Variants in KLHL29 observed in about 807,000 individuals in gnomAD.
The protein encoded by KLHL29 is kelch like family member 29.
A neutral mutation model predicts 80.4 loss-of-function variants in KLHL29; 21 were observed. The ratio of observed to expected loss-of-function variants is 0.26; its 90% CI spans 0.19 to 0.38. The LOEUF (loss-of-function observed/expected upper bound fraction) is 0.38, where lower values mean the gene tolerates loss of function less well. Ranked by LOEUF, KLHL29 falls within the 10% of genes least tolerant of loss-of-function variation. The probability of loss-of-function intolerance (pLI) is 1.00; values close to 1 mark genes in which losing one functional copy is unlikely to be tolerated. For synonymous variants in KLHL29, 511 were observed against 526.8 expected (o/e 0.97, Z 0.41); for missense variants, 867 against 1,223.9 (o/e 0.71, Z 4.35).
chr2:23,523,738 A>G (rs1558372082), intron 2 of KLHL29, among the ~76,000 whole-genome samples: 2 of 152,216 alleles, frequency 1.3e-5, no homozygotes, highest in Non-Finnish European at 2.9e-5. Context: ...TGTCAGAGTC[A>G]GCTGAGTTCA....
intron 7 of KLHL29, among the ~76,000 whole-genome samples, chr2:23,692,779 A>C (rs1296657992): frequency 6.6e-6 from 1 of 152,146 alleles, no homozygotes; most frequent in Admixed American, 6.5e-5. Context: ...GATGGACCCC[A>C]GAGCCTAGCG....
intron 2 of KLHL29, among the ~76,000 whole-genome samples, chr2:23,541,843 T>C (rs1008296890): frequency 6.6e-6 from 1 of 151,204 alleles, no homozygotes; most frequent in Non-Finnish European, 1.5e-5. Context: ...TTGTGTGAGA[T>C]GATTTGTGGA....
At chr2:23,683,894 G>A (rs1475832603) in intron 5 of KLHL29, among the ~76,000 whole-genome samples, 1 of 152,194 alleles carries the variant, frequency 6.6e-6, no homozygotes, top group African/African-American at 2.4e-5. Context: ...ATGGCTGTGA[G>A]TGTCTAACAT....
intron 3 of KLHL29, among the ~76,000 whole-genome samples, chr2:23,579,160 TG>T (rs1667919245): frequency 6.6e-6 from 1 of 152,262 alleles, no homozygotes; most frequent in South Asian, 2.1e-4. Context: ...TTCCATGTTT[TG>T]TCTCCATTCT....
intron 5 of KLHL29, among the ~76,000 whole-genome samples, chr2:23,679,623 T>G (rs1421512353): frequency 1.4e-5 from 2 of 142,668 alleles, no homozygotes; most frequent in African/African-American, 2.5e-5. Context: ...TATATATATA[T>G]GTATGCCAGG....
In KLHL29 at chr2:23,445,710, T is replaced by A. The variant is rs1207434186; in HGVS notation, c.-153-29850T>A. On this transcript the variant is annotated intron_variant, in intron 1 of 13. Transcript: ENST00000486442. ...TCTCTGGGGGCTGTACCATTTTGCA[T>A]TCCCTCAGCAATGTGTGAGAACACG... 5.9e-5 allele frequency among the ~76,000 whole-genome samples: 9 copies of A among 152,346 alleles called. No individual in the cohort carries two copies. In the Middle Eastern group the frequency reaches 0.01, roughly 173 times the overall value.
intron 1 of KLHL29, among the ~76,000 whole-genome samples, chr2:23,428,120 G>A (rs1440467134): frequency 6.6e-6 from 1 of 152,212 alleles, no homozygotes; most frequent in South Asian, 2.1e-4. Context: ...TAATGACAGA[G>A]CACCTGCCGC....
chr2:23,626,762 G>A (rs552649198), intron 3 of KLHL29, among the ~76,000 whole-genome samples: 4 of 152,336 alleles, frequency 2.6e-5, no homozygotes, highest in African/African-American at 7.2e-5. Flanking sequence ...GGGCCCCAGC[G>A]CTGAGGGAGT....
At chr2:23,667,197 C>T (rs1004436846) in intron 5 of KLHL29, 8 of 152,226 alleles carry the variant, frequency 5.3e-5, no homozygotes, top group Admixed American at 4.6e-4. Context: ...AGAATATTTG[C>T]ATAAACATAT....
At chr2:23,495,516 C>T (rs1181762264) in intron 2 of KLHL29, among the ~76,000 whole-genome samples, 2 of 152,264 alleles carry the variant, frequency 1.3e-5, no homozygotes, top group African/African-American at 2.4e-5. Context: ...TATCTTCTGC[C>T]CTGGGTGGCA....
intron 3 of KLHL29, among the ~76,000 whole-genome samples, chr2:23,635,651 C>G (rs1271626265): frequency 6.6e-6 from 1 of 152,196 alleles, no homozygotes; most frequent in Non-Finnish European, 1.5e-5. Flanking sequence ...ATGATGCATC[C>G]CATTAGCATC....
At chr2:23,549,776 A>G (rs4665222) in intron 2 of KLHL29, among the ~76,000 whole-genome samples, 62,601 of 152,108 alleles carry the variant, frequency 0.41, 13,540 homozygotes, top group African/African-American at 0.53. Flanking sequence ...GGCCCCGGAG[A>G]TCCCCTCTGT....
chr2:23,419,689 G>A (rs763676442), intron 1 of KLHL29, among the ~76,000 whole-genome samples: 15 of 152,304 alleles, frequency 9.8e-5, no homozygotes, highest in East Asian at 7.7e-4. Flanking sequence ...CCTTAACCAG[G>A]AGTCTGGCAT....
intron 2 of KLHL29, among the ~76,000 whole-genome samples, chr2:23,513,107 A>G (rs534365546): frequency 2.0e-5 from 3 of 152,332 alleles, no homozygotes; most frequent in East Asian, 3.9e-4. Context: ...AAAGGGTCTC[A>G]CTGTAGTTAC....
chr2:23,518,491 TGAGCCCCA>T (rs1666005692), intron 2 of KLHL29, among the ~76,000 whole-genome samples: 1 of 152,206 alleles, frequency 6.6e-6, no homozygotes, highest in Non-Finnish European at 1.5e-5. Flanking sequence ...CTCTGTCTGC[TGAGCCCCA>T]TTTGGGCCTC....
chr2:23,479,643 G>A (rs1320778533), intron 2 of KLHL29, among the ~76,000 whole-genome samples: 1 of 152,214 alleles, frequency 6.6e-6, no homozygotes, highest in East Asian at 1.9e-4. Context: ...TGGCTCATGC[G>A]TAGCAGATCC....
intron 1 of KLHL29, among the ~76,000 whole-genome samples, chr2:23,453,239 A>G (rs1663941973): frequency 6.6e-6 from 1 of 152,162 alleles, no homozygotes; most frequent in South Asian, 2.1e-4. Flanking sequence ...CCCACCATAA[A>G]CAGCTGGTTG....
chr2:23,525,654 C>T (rs1267593264), intron 2 of KLHL29, among the ~76,000 whole-genome samples: 2 of 151,378 alleles, frequency 1.3e-5, no homozygotes, highest in African/African-American at 4.9e-5. Context: ...TTTGCCCTGC[C>T]TGGGAAGAGT....
chr2:23,462,363 C>T (rs1036807478), intron 1 of KLHL29, among the ~76,000 whole-genome samples: 2 of 152,154 alleles, frequency 1.3e-5, no homozygotes, highest in Admixed American at 6.5e-5. Context: ...TAGCCTGCTG[C>T]CGGTGGGTTC....
Sources: gnomAD v4.1 joint callset for allele counts (sites outside exome capture counted in the v4.1 genomes callset) on GRCh38, gnomAD v4.1.1 for gene constraint, MANE v1.5 for transcripts, NCBI Gene and HGNC (gene_info 2026-07-23, HGNC 2026-07-21) for gene names.